The following EBI3 variants were observed in gnomAD, a reference collection of about 807,000 sequenced individuals.
The protein encoded by EBI3 is interleukin-27 subunit beta.
In EBI3, 19 loss-of-function variants were observed where a neutral mutation model predicts 21.3. The observed-to-expected ratio is 0.89, with a 90% CI of 0.62 to 1.31. EBI3 has a LOEUF of 1.31. Among genes scored for constraint, EBI3 ranks in the 50% most tolerant of loss-of-function variants. EBI3 has a pLI of 0.00. For missense variants in EBI3, 331 were observed against 314.0 expected (o/e 1.05, Z -0.41); for synonymous variants, 154 against 131.2 (o/e 1.17, Z -1.19).
rs527607751 is a variant in EBI3, at chr19:4,236,048, C to T, written c.538-888C>T. Among the ~76,000 whole-genome samples, 21 of 151,850 alleles carry T rather than the reference C, an allele frequency of 1.4e-4. No individual in the cohort carries two copies. The South Asian group carries it at 4.4e-3, about 32-fold the overall frequency. On this transcript the variant is annotated intron_variant, in intron 4 of 4. Coordinates refer to ENST00000221847, the MANE Select transcript of EBI3 (RefSeq NM_005755.3). The stretch of plus-strand genomic sequence containing the variant: ...AGATCACTTGAGGTCAGGTGAAACC[C>T]CATCTCTATTAAAAATACAAAAATT...
At chr19:4,229,967 G>A (rs1004040595) in intron 1 of EBI3, among the ~76,000 whole-genome samples, 1 of 152,098 alleles carries the variant, frequency 6.6e-6, no homozygotes, top group South Asian at 2.1e-4. Context: ...TGTCGCCCAG[G>A]CTGGAGTACA....
intron 1 of EBI3, among the ~76,000 whole-genome samples, chr19:4,230,917 ATC>A (rs976100000): frequency 2.0e-5 from 3 of 151,844 alleles, no homozygotes; most frequent in African/African-American, 7.3e-5. Flanking sequence ...ACACGGTAAA[ATC>A]TCTCTCTCTT....
Position 4,233,149 on chromosome 19 carries a change from G to A in EBI3, c.221G>A (p.Gly74Asp). 1 of 1,599,556 alleles carries A rather than the reference G, an allele frequency of 6.3e-7. No individual in the cohort carries two copies. Among genetic ancestry groups the A allele is most frequent in the Non-Finnish European group, 8.5e-7 (1 of 1,178,058 alleles). ...ATYRLGMAAR[G>D]HSWPCLQQTP... Reference sequence around the variant, plus strand: ...TGCAGGCTCGGCATGGCTGCCCGGGGCCACAGCTGGCCCTGCCTGCAGCAG... The same window carrying A: ...TGCAGGCTCGGCATGGCTGCCCGGGACCACAGCTGGCCCTGCCTGCAGCAG... The change falls in exon 3 of 5, where the codon GGC becomes GAC. Residue 74 changes from glycine (G) to aspartate (D), a missense_variant. Physicochemically the swap from Gly to Asp is moderately conservative, Grantham distance 94 (BLOSUM62 -1). Coordinates refer to ENST00000221847, the MANE Select transcript of EBI3 (RefSeq NM_005755.3).
chr19:4,233,159 G>T lies in EBI3; in HGVS notation c.231G>T (p.Trp77Cys), dbSNP rs148404616. 1.2e-4 allele frequency: 200 copies of T among 1,603,684 alleles called. No individual in the cohort carries two copies. Among genetic ancestry groups the T allele is most frequent in the Non-Finnish European group, 1.6e-4 (184 of 1,179,030 alleles). ...RLGMAARGHS[W>C]PCLQQTPTST... ...GCATGGCTGCCCGGGGCCACAGCTG[G>T]CCCTGCCTGCAGCAGACGCCAACGT... Residue 77 changes from tryptophan to cysteine, a missense_variant, in exon 3 of 5, where the codon TGG (tryptophan) becomes TGT (cysteine). By Grantham distance (215) the Trp-to-Cys change is radical. Coordinates refer to ENST00000221847, the MANE Select transcript of EBI3 (RefSeq NM_005755.3).
At chr19:4,231,940 G>A (rs777428464) in intron 2 of EBI3, among the ~76,000 whole-genome samples, 27 of 150,680 alleles carry the variant, frequency 1.8e-4, no homozygotes, top group Non-Finnish European at 2.7e-4. Context: ...AAATTAGCTG[G>A]GCATGGCCAG....
At chr19:4,232,707 G>C (rs1970796618) in intron 2 of EBI3, among the ~76,000 whole-genome samples, 1 of 152,120 alleles carries the variant, frequency 6.6e-6, no homozygotes. Flanking sequence ...CTGGGCGCCA[G>C]AGGGAGACCC....
rs1214001146 is a variant in EBI3, at chr19:4,237,051, G to A, written c.653G>A (p.Ser218Asn). The A allele has an allele frequency of 1.4e-5, 21 of 1,554,116 alleles. No homozygotes were observed. The highest frequency in any genetic ancestry group is 1.7e-5 in the Non-Finnish European group (20 of 1,148,364). The change falls in exon 5 of 5, where the codon AGT (serine) becomes AAT (asparagine). Residue 218 changes from serine to asparagine, a missense_variant. Transcript: ENST00000221847. ...LTDYGELSDW[S>N]LPATATMSLG... ...GACTACGGGGAACTGAGTGACTGGA[G>A]TCTCCCCGCCACTGCCACAATGAGC... is the stretch of plus-strand genomic sequence containing the variant.
chr19:4,236,203 A>T (rs1285736144), intron 4 of EBI3, among the ~76,000 whole-genome samples: 1 of 151,862 alleles, frequency 6.6e-6, no homozygotes, highest in African/African-American at 2.4e-5. Context: ...AAAATACAAA[A>T]ATTAGCCGGG....
chr19:4,236,959 C>G lies in EBI3; in HGVS notation c.561C>G (p.Ser187=). 2.0e-6 allele frequency: 3 copies of G among 1,515,176 alleles called. No homozygotes were observed. Among genetic ancestry groups the G allele is most frequent in the Non-Finnish European group, 2.7e-6 (3 of 1,127,838 alleles). The allele number at this position is 1,515,176 out of a possible 1,614,324, so 93.9% of individuals were successfully genotyped here. ...FHRVGPIEAT[S]FILRAVRPRA... ...AGGTGGGGCCCATTGAAGCCACGTC[C>G]TTCATCCTCAGGGCTGTGCGGCCCC... Residue 187 remains serine (S), a synonymous_variant, in exon 5 of 5, where the codon TCC becomes TCG. Transcript: ENST00000221847.
At position 4,233,168 on chromosome 19, in the gene EBI3, G is replaced by C. The variant is rs142652661; in HGVS notation, c.240G>C (p.Leu80=). 52 of 1,606,890 alleles carry C rather than the reference G, an allele frequency of 3.2e-5. No homozygotes were observed. The African/African-American group carries it at 5.6e-4, about 17-fold the overall frequency. ...CCCGGGGCCACAGCTGGCCCTGCCT[G>C]CAGCAGACGCCAACGTCCACCAGCT... The part of the protein sequence containing the change: ...MAARGHSWPC[L]QQTPTSTSCT... Residue 80 remains leucine (L), a synonymous_variant, in exon 3 of 5, where the codon CTG becomes CTC. Coordinates refer to ENST00000221847, the MANE Select transcript of EBI3 (RefSeq NM_005755.3).
chr19:4,229,706 A>G, intron 1 of EBI3, 89 bp downstream of exon 1: 1 of 1,356,198 alleles, frequency 7.4e-7, no homozygotes, highest in South Asian at 1.3e-5. Flanking sequence ...GTGGGAAATC[A>G]CATCCTCCCG....
In EBI3 at chr19:4,229,634, G is replaced by A. The variant is rs752044587; in HGVS notation, c.67+17G>A. On this transcript the variant is annotated intron_variant, in intron 1 of 4. Transcript: ENST00000221847. ...GAAGGAAAGGTATGTGGGGCCCCTG[G>A]GGGACTGGGGGGCCCAGGCAGACGG... The A allele has an allele frequency of 7.5e-6, 12 of 1,596,484 alleles. No individual in the cohort carries two copies. The highest frequency in any genetic ancestry group is 2.3e-5 in the East Asian group (1 of 44,308).
chr19:4,232,845 A>G (rs191714180), intron 2 of EBI3, among the ~76,000 whole-genome samples: 18 of 151,996 alleles, frequency 1.2e-4, no homozygotes, highest in Admixed American at 1.0e-3. Context: ...TGGATGGATG[A>G]ATGAATGAAT....
At position 4,237,218 on chromosome 19, in the gene EBI3, C is replaced by A; in HGVS notation, c.*130C>A. The A allele has an allele frequency of 8.5e-7, 1 of 1,175,966 alleles. No homozygotes were observed. The highest frequency in any genetic ancestry group is 1.1e-6 in the Non-Finnish European group (1 of 898,066). The allele number at this position is 1,175,966 out of a possible 1,614,324, so 72.8% of individuals were successfully genotyped here. A position where few individuals can be genotyped will look rare whatever the true frequency, so the allele number is the denominator to read the frequency against. On this transcript the variant is annotated 3_prime_UTR_variant, in exon 5 of 5. Coordinates refer to ENST00000221847, the MANE Select transcript of EBI3 (RefSeq NM_005755.3). ...CCTTGCTTTGCTGCTGCTGAGCTGC[C>A]GGGCAACCTCAGATGACCGACTTTT... is the stretch of plus-strand genomic sequence containing the variant.
chr19:4,235,274 C>T lies in EBI3; in HGVS notation c.537+450C>T, dbSNP rs185113958. ...TCTCAGGTGATCTGCCTGCCTCGGA[C>T]TCCCAAAGTGCTGGGATTACAGGCG... On this transcript the variant is annotated intron_variant, in intron 4 of 4. Transcript: ENST00000221847. Among the ~76,000 whole-genome samples, 11 of 149,710 alleles carry T rather than the reference C, an allele frequency of 7.3e-5. No homozygotes were observed. The East Asian group carries it at 2.1e-3, about 29-fold the overall frequency.
In EBI3 at chr19:4,233,131, TCGGCATGGCTGCC is replaced by T; in HGVS notation, c.207_219del (p.Met70AlafsTer49). On this transcript the variant is annotated frameshift_variant, in exon 3 of 5. Transcript: ENST00000221847. LOFTEE classifies it high-confidence loss of function. ...TCAGCGAGCCCCACCCTGTGCAGGC[TCGGCATGGCTGCC>T]CGGGGCCACAGCTGGCCCTGCCTGC... 1 of 1,590,406 alleles carries T rather than the reference TCGGCATGGCTGCC, an allele frequency of 6.3e-7. No individual in the cohort carries two copies. Among genetic ancestry groups the T allele is most frequent in the Non-Finnish European group, 8.5e-7 (1 of 1,174,884 alleles).
At position 4,237,233 on chromosome 19, in the gene EBI3, G is replaced by A. The variant is rs1970848969; in HGVS notation, c.*145G>A. On this transcript the variant is annotated 3_prime_UTR_variant, in exon 5 of 5. Coordinates refer to ENST00000221847, the MANE Select transcript of EBI3 (RefSeq NM_005755.3). ...GCTGAGCTGCCGGGCAACCTCAGAT[G>A]ACCGACTTTTCCCTTTGAGCCTCAG... is the stretch of plus-strand genomic sequence containing the variant. 9.1e-6 allele frequency: 9 copies of A among 987,780 alleles called. No homozygotes were observed. The highest frequency in any genetic ancestry group is 1.7e-5 in the African/African-American group (1 of 58,470). 61.2% of individuals were successfully genotyped at this position (987,780 alleles called of 1,614,324 possible). A position where few individuals can be genotyped will look rare whatever the true frequency, so the allele number is the denominator to read the frequency against.
At chr19:4,231,901 T>C (rs1484191684) in intron 2 of EBI3, among the ~76,000 whole-genome samples, 1 of 151,266 alleles carries the variant, frequency 6.6e-6, no homozygotes, top group Non-Finnish European at 1.5e-5. Flanking sequence ...GGCAAAATAG[T>C]GAGACCCTGT....
chr19:4,233,312 G>A lies in EBI3; in HGVS notation c.379+5G>A. The stretch of plus-strand genomic sequence containing the variant: ...CTTTCATAACAGAGCACATCAGTGA[G>A]TGGGGGCGGCAGTGGGGGCGGGGGC... On this transcript the variant is annotated splice_donor_5th_base_variant and intron_variant, in intron 3 of 4. Transcript: ENST00000221847. 1 of 1,589,356 alleles carries A rather than the reference G, an allele frequency of 6.3e-7. No homozygotes were observed. The highest frequency in any genetic ancestry group is 8.6e-7 in the Non-Finnish European group (1 of 1,169,578).
Sources: allele counts gnomAD v4.1 joint callset (sites outside exome capture counted in the v4.1 genomes callset), GRCh38; gene constraint gnomAD v4.1.1; transcripts MANE v1.5; gene names NCBI Gene and HGNC (gene_info 2026-07-23, HGNC 2026-07-21).